SATL1: variants seen among roughly 807,000 people sequenced by gnomAD.
The protein encoded by SATL1 is spermidine/spermine N1-acetyl transferase like 1.
Under a neutral mutation model 51.8 loss-of-function variants are expected in SATL1, and 47 were observed. The observed-to-expected ratio is 0.91, with a 90% CI of 0.72 to 1.16. SATL1 has a LOEUF of 1.16. Ranked by LOEUF, SATL1 falls within the 50% of genes most tolerant of loss-of-function variation. The pLI is 0.00. For synonymous variants in SATL1, 176 were observed against 182.4 expected (o/e 0.97, Z 0.28); for missense variants, 520 against 526.4 (o/e 0.99, Z 0.12).
chrX:85,212,600 G>A (rs1007682894), intron 2 of SATL1: 1 of 111,182 alleles, frequency 9.0e-6, no homozygotes, highest in African/African-American at 3.3e-5. Flanking sequence ...CATAACATTC[G>A]ATTTCATAAC....
At chrX:85,097,282 G>A (rs1475250322) in intron 4 of SATL1, among the ~76,000 whole-genome samples, 1 of 112,103 alleles carries the variant, frequency 8.9e-6, no homozygotes, top group East Asian at 2.8e-4. Context: ...ACTGAGAGAT[G>A]ACCCTAACTC....
At chrX:85,195,323 G>A (rs1300584018) in intron 2 of SATL1, among the ~76,000 whole-genome samples, 1 of 111,237 alleles carries the variant, frequency 9.0e-6, no homozygotes, top group African/African-American at 3.3e-5. Context: ...GACAGTGGTA[G>A]ACTGGGAAGA....
chrX:85,170,559 T>C (rs1926950377), intron 2 of SATL1, among the ~76,000 whole-genome samples: 1 of 111,629 alleles, frequency 9.0e-6, no homozygotes, highest in Non-Finnish European at 1.9e-5. Context: ...AATCATGAAT[T>C]ATCCCTCTGT....
chrX:85,128,150 G>C (rs1161733258), intron 2 of SATL1, among the ~76,000 whole-genome samples: 5 of 111,394 alleles, frequency 4.5e-5, no homozygotes, highest in African/African-American at 1.6e-4. Flanking sequence ...ATAATCCTTT[G>C]GGTATATACC....
chrX:85,228,769 T>G (rs1045213600), intron 1 of SATL1, among the ~76,000 whole-genome samples: 1 of 111,654 alleles, frequency 9.0e-6, no homozygotes, highest in Admixed American at 9.5e-5. Context: ...TTCTCAGTGT[T>G]ATTTGCTGGT....
intron 2 of SATL1, among the ~76,000 whole-genome samples, chrX:85,192,639 G>T (rs973346851): frequency 3.6e-5 from 4 of 111,070 alleles, no homozygotes; most frequent in Non-Finnish European, 7.5e-5. Flanking sequence ...GCAGTCATTT[G>T]TTTTGTCCAC....
intron 2 of SATL1, 135 bp downstream of exon 2, chrX:85,224,070 A>C (rs1194488730): frequency 4.5e-5 from 5 of 111,785 alleles, no homozygotes; most frequent in African/African-American, 1.6e-4. Flanking sequence ...CTGCCATAAC[A>C]AATTACCACA....
At chrX:85,131,582 A>T (rs1379053870) in intron 2 of SATL1, among the ~76,000 whole-genome samples, 1 of 110,841 alleles carries the variant, frequency 9.0e-6, no homozygotes, top group South Asian at 3.9e-4. Flanking sequence ...AGCACACTGA[A>T]GGGTATTGAC....
intron 2 of SATL1, among the ~76,000 whole-genome samples, chrX:85,193,813 C>A (rs1272609466): frequency 1.8e-5 from 2 of 111,989 alleles, no homozygotes; most frequent in East Asian, 5.6e-4. Flanking sequence ...AGAATAATGG[C>A]CTTCAGCTCC....
chrX:85,150,126 A>G (rs1404979883), intron 2 of SATL1, among the ~76,000 whole-genome samples: 1 of 111,471 alleles, frequency 9.0e-6, no homozygotes, highest in Non-Finnish European at 1.9e-5. Context: ...AAAATGATAA[A>G]GGGGATATCA....
chrX:85,187,828 G>C (rs1053312792), intron 2 of SATL1, among the ~76,000 whole-genome samples: 1 of 111,122 alleles, frequency 9.0e-6, no homozygotes, highest in Admixed American at 9.6e-5. Flanking sequence ...GAGTTATGCT[G>C]GCCTTGTTAA....
intron 2 of SATL1, among the ~76,000 whole-genome samples, chrX:85,153,089 G>T (rs1602874246): frequency 1.8e-5 from 2 of 110,204 alleles, no homozygotes; most frequent in South Asian, 7.8e-4. Flanking sequence ...TATTTGGCAG[G>T]GTCTCAAGGT....
chrX:85,221,269 G>A (rs66531507), intron 2 of SATL1, among the ~76,000 whole-genome samples: 14,282 of 111,014 alleles, frequency 0.13, 710 homozygotes, highest in South Asian at 0.17. Flanking sequence ...GTGTTACTGT[G>A]TGATATTCAT....
chrX:85,240,943 T>A (rs73627336), intron 1 of SATL1, among the ~76,000 whole-genome samples: 2,156 of 110,698 alleles, frequency 0.019, 48 homozygotes, highest in African/African-American at 0.067. Flanking sequence ...CTTTTGACAT[T>A]AGACTTTGAT....
intron 2 of SATL1, among the ~76,000 whole-genome samples, chrX:85,203,138 T>G (rs1233940375): frequency 9.9e-5 from 11 of 111,328 alleles, no homozygotes; most frequent in Admixed American, 6.7e-4. Context: ...CCTGGAGGTG[T>G]GTCACCAGTG....
chrX:85,133,923 T>G (rs1421786878), intron 2 of SATL1, among the ~76,000 whole-genome samples: 1 of 112,395 alleles, frequency 8.9e-6, no homozygotes, highest in Admixed American at 9.5e-5. Context: ...AAATGCTATA[T>G]TCACATTGTT....
At chrX:85,182,749 AT>A (rs917644934) in intron 2 of SATL1, among the ~76,000 whole-genome samples, 20 of 110,755 alleles carry the variant, frequency 1.8e-4, no homozygotes, top group Admixed American at 8.7e-4. Context: ...AGCATTTGTT[AT>A]TTTTTTTGTC....
At chrX:85,230,647 A>T (rs1928361005) in intron 1 of SATL1, among the ~76,000 whole-genome samples, 1 of 112,360 alleles carries the variant, frequency 8.9e-6, no homozygotes, top group Non-Finnish European at 1.9e-5. Flanking sequence ...GAATGAGAGA[A>T]AATATTTCTA....
chrX:85,150,624 A>G (rs1229096330), intron 2 of SATL1, among the ~76,000 whole-genome samples: 1 of 111,826 alleles, frequency 8.9e-6, no homozygotes, highest in Non-Finnish European at 1.9e-5. Flanking sequence ...ACCATGATCA[A>G]GTGGGCTTCA....
Sources: gnomAD v4.1 joint callset for allele counts (sites outside exome capture counted in the v4.1 genomes callset) on GRCh38, gnomAD v4.1.1 for gene constraint, MANE v1.5 for transcripts, NCBI Gene and HGNC (gene_info 2026-07-23, HGNC 2026-07-21) for gene names.